CECR2: variants seen among roughly 807,000 people sequenced by gnomAD.
CECR2 encodes chromatin remodeling regulator CECR2.
In CECR2, 30 loss-of-function variants were observed where a neutral mutation model predicts 154.5. The observed-to-expected ratio is 0.19, with a 90% confidence interval of 0.15 to 0.26. CECR2 has a LOEUF of 0.26. Among genes scored for constraint, CECR2 ranks in the 10% least tolerant of loss-of-function variants. CECR2 has a pLI of 1.00. For missense variants in CECR2, 1,743 were observed against 1,829.3 expected (o/e 0.95, Z 0.86); for synonymous variants, 725 against 683.7 (o/e 1.06, Z -0.94).
At chr22:17,436,699 C>T (rs2054511721) in intron 1 of CECR2, among the ~76,000 whole-genome samples, 1 of 152,204 alleles carries the variant, frequency 6.6e-6, no homozygotes, top group South Asian at 2.1e-4. Flanking sequence ...TATCAGTCCT[C>T]AGTCAGGAAG....
At chr22:17,521,533 AAAAAAG>A (rs1366503009) in intron 8 of CECR2, among the ~76,000 whole-genome samples, 1 of 152,088 alleles carries the variant, frequency 6.6e-6, no homozygotes, top group African/African-American at 2.4e-5. Context: ...TCAAAAAAAA[AAAAAAG>A]AGAGAGAGAG....
chr22:17,500,645 A>G lies in CECR2; in HGVS notation c.560A>G (p.Gln187Arg), dbSNP rs756398277. 6.5e-7 allele frequency: 1 copy of G among 1,548,270 alleles called. No individual in the cohort carries two copies. Among genetic ancestry groups the G allele is most frequent in the African/African-American group, 1.4e-5 (1 of 72,710 alleles). Residue 187 changes from glutamine (Q) to arginine (R), a missense_variant, in exon 5 of 19, where the codon CAA (glutamine) becomes CGA (arginine). By Grantham distance (43) the Gln-to-Arg change is conservative. Around this residue, in one of 4 missense-constraint regions of CECR2, gnomAD observed 292 missense variants for 301.2 expected, o/e 0.97. Transcript: ENST00000262608. ...TTATTTATTAGGGAAAGTGAAGGACAAAAAAATGTCTCAAGTATTCCTGGA... is the reference window on the plus strand; with the variant it reads ...TTATTTATTAGGGAAAGTGAAGGACGAAAAAATGTCTCAAGTATTCCTGGA... Reference protein sequence around the residue: ...ELSLSRESEGQKNVSSIPGKT... With the variant: ...ELSLSRESEGRKNVSSIPGKT...
intron 2 of CECR2, among the ~76,000 whole-genome samples, chr22:17,480,354 C>T (rs948174037): frequency 3.3e-5 from 5 of 149,530 alleles, no homozygotes; most frequent in Admixed American, 3.3e-4. Context: ...CTCGAGTTAG[C>T]TTACAGGTCT....
At chr22:17,435,688 A>AC (rs1166182748) in intron 1 of CECR2, among the ~76,000 whole-genome samples, 3 of 136,274 alleles carry the variant, frequency 2.2e-5, no homozygotes, top group Non-Finnish European at 4.5e-5. Context: ...AATTCTTAAA[A>AC]AAAAAAAAAA....
chr22:17,532,861 G>T lies in CECR2; in HGVS notation c.1109-4242G>T, dbSNP rs139839970. 5.4e-4 allele frequency among the ~76,000 whole-genome samples: 81 copies of T among 151,284 alleles called. 1 individual carries two copies. The highest frequency in any genetic ancestry group is 2.0e-3 in the African/African-American group (81 of 41,266). Reference sequence around the variant, plus strand: ...GCCTCCAAAGTAGCTGGGATTACAGGCATGTGCCACCACGCCTGGCAATTT... The same window carrying T: ...GCCTCCAAAGTAGCTGGGATTACAGTCATGTGCCACCACGCCTGGCAATTT... On this transcript the variant is annotated intron_variant, in intron 9 of 18. Transcript: ENST00000262608.
chr22:17,513,379 CT>C (rs2055994824), intron 8 of CECR2, among the ~76,000 whole-genome samples: 1 of 152,176 alleles, frequency 6.6e-6, no homozygotes, highest in African/African-American at 2.4e-5. Flanking sequence ...CGGAGCCTTC[CT>C]TTTGCCTTTC....
chr22:17,455,917 A>T (rs2054847211), intron 1 of CECR2, among the ~76,000 whole-genome samples: 1 of 152,038 alleles, frequency 6.6e-6, no homozygotes, highest in South Asian at 2.1e-4. Flanking sequence ...ATGACCTCAC[A>T]CTTTCTGTGG....
At chr22:17,418,691 T>A in intron 1 of CECR2, 1 of 497,976 alleles carries the variant, frequency 2.0e-6, no homozygotes, top group Non-Finnish European at 2.9e-6. Flanking sequence ...GTGCCCGGCG[T>A]CAGACATGGC....
chr22:17,401,657 TTTA>T (rs924068942), intron 1 of CECR2, among the ~76,000 whole-genome samples: 10 of 152,184 alleles, frequency 6.6e-5, no homozygotes, highest in African/African-American at 2.4e-4. Context: ...TTGATTCCTT[TTTA>T]TTGTTGAGTA....
chr22:17,540,639 AAGTCGT>A lies in CECR2; in HGVS notation c.1724_1729del (p.Lys575_Leu577delinsMet). 1 of 1,613,872 alleles carries A rather than the reference AAGTCGT, an allele frequency of 6.2e-7. No homozygotes were observed. Among genetic ancestry groups the A allele is most frequent in the Non-Finnish European group, 8.5e-7 (1 of 1,179,846 alleles). ...ACAGCAGCCCATGGAGAATGGAGGA[AAGTCGT>A]TGCCCCCCACACGCCGAGCGCCCTC... On this transcript the variant is annotated inframe_deletion, in exon 14 of 19. Transcript: ENST00000262608.
At chr22:17,491,639 C>T (rs1056928377) in intron 2 of CECR2, among the ~76,000 whole-genome samples, 1 of 149,764 alleles carries the variant, frequency 6.7e-6, no homozygotes, top group Admixed American at 6.7e-5. Flanking sequence ...TAAATTTTAT[C>T]CAGAGCTATT....
intron 1 of CECR2, among the ~76,000 whole-genome samples, chr22:17,411,545 T>C (rs979633693): frequency 2.0e-5 from 3 of 152,178 alleles, no homozygotes; most frequent in African/African-American, 7.2e-5. Context: ...ATGTTAGATA[T>C]AAGATACAAG....
At chr22:17,473,171 A>G (rs2055155932) in intron 1 of CECR2, among the ~76,000 whole-genome samples, 1 of 152,194 alleles carries the variant, frequency 6.6e-6, no homozygotes, top group South Asian at 2.1e-4. Context: ...CTGAAGCTGC[A>G]GAGGGGCAGT....
rs1302989547 is a variant in CECR2, at chr22:17,540,404, T to C, written c.1496-8T>C. 4 of 1,507,962 alleles carry C rather than the reference T, an allele frequency of 2.7e-6. No homozygotes were observed. In the East Asian group the frequency reaches 9.1e-5, roughly 34 times the overall value. The allele number at this position is 1,507,962 out of a possible 1,614,324, so 93.4% of individuals were successfully genotyped here. On this transcript the variant is annotated splice_region_variant and splice_polypyrimidine_tract_variant and intron_variant, in intron 13 of 18. Transcript: ENST00000262608. ...TACCTAGAAGTCAATCCTCCTGTCT[T>C]CCTATAGAGTATACCAAGATGTCTG...
At chr22:17,516,681 G>A (rs1452869250) in intron 8 of CECR2, among the ~76,000 whole-genome samples, 3 of 152,116 alleles carry the variant, frequency 2.0e-5, no homozygotes, top group Non-Finnish European at 2.9e-5. Flanking sequence ...TGCAACCTCC[G>A]TGTCCTGGGT....
chr22:17,532,038 T>C (rs1477427707), intron 9 of CECR2, among the ~76,000 whole-genome samples: 3 of 151,834 alleles, frequency 2.0e-5, no homozygotes, highest in Non-Finnish European at 4.4e-5. Context: ...GACATGGTGG[T>C]GCATGCCTGT....
At chr22:17,448,651 C>T (rs2146691249) in intron 1 of CECR2, among the ~76,000 whole-genome samples, 1 of 152,248 alleles carries the variant, frequency 6.6e-6, no homozygotes, top group South Asian at 2.1e-4. Flanking sequence ...AAATAGTGAT[C>T]CTCTGGCCCC....
chr22:17,419,660 C>G (rs1282000735), intron 1 of CECR2: 2 of 286,190 alleles, frequency 7.0e-6, no homozygotes, highest in Non-Finnish European at 1.4e-5. Context: ...TAACTTGGAT[C>G]TATCAACAGT....
intron 1 of CECR2, among the ~76,000 whole-genome samples, chr22:17,402,754 CTTTTTTT>C (rs386394918): frequency 1.6e-5 from 2 of 123,100 alleles, no homozygotes; most frequent in Admixed American, 1.8e-4. Context: ...TTCTTTTCTT[CTTTTTTT>C]TTTTTTTTTT....
Sources: gnomAD v4.1 joint callset for allele counts (sites outside exome capture counted in the v4.1 genomes callset) on GRCh38, gnomAD v4.1.1 for gene constraint, gnomAD v4.1.1 regional missense constraint, MANE v1.5 for transcripts, NCBI Gene and HGNC (gene_info 2026-07-23, HGNC 2026-07-21) for gene names.